Variants in RBFOX1 observed in about 807,000 individuals in gnomAD.
RBFOX1 encodes RNA binding protein fox-1 homolog 1.
A neutral mutation model predicts 57.7 loss-of-function variants in RBFOX1; 8 were observed. That is an observed-to-expected ratio of 0.14 (90% CI 0.08 to 0.25). The LOEUF is 0.25. Among genes scored for constraint, RBFOX1 ranks in the 10% least tolerant of loss-of-function variants. The pLI is 1.00. For synonymous variants in RBFOX1, 326 were observed against 222.4 expected, an observed-to-expected ratio of 1.47 and a Z score of -4.15; for missense variants, 611 against 548.5, an observed-to-expected ratio of 1.11 and a Z score of -1.14.
chr16:7,122,287 C>G (rs542667475), intron 4 of RBFOX1, among the ~76,000 whole-genome samples: 7 of 152,022 alleles, frequency 4.6e-5, no homozygotes, highest in African/African-American at 1.7e-4. Flanking sequence ...ATTTTGAACT[C>G]TCAAAACATA....
intron 4 of RBFOX1, among the ~76,000 whole-genome samples, chr16:7,497,962 G>C (rs971402077): frequency 9.9e-5 from 15 of 152,188 alleles, no homozygotes; most frequent in Admixed American, 5.9e-4. Context: ...ATTTCACACA[G>C]AGTAAAAACA....
At chr16:5,833,053 G>A (rs1445961609) in intron 3 of RBFOX1, among the ~76,000 whole-genome samples, 4 of 152,064 alleles carry the variant, frequency 2.6e-5, no homozygotes, top group South Asian at 2.1e-4. Flanking sequence ...TCAATTTCAG[G>A]GTGTCCACAG....
intron 3 of RBFOX1, among the ~76,000 whole-genome samples, chr16:6,897,285 C>T (rs1391841936): frequency 2.6e-5 from 4 of 152,210 alleles, no homozygotes; most frequent in Non-Finnish European, 5.9e-5. Flanking sequence ...AGCTTGTAAG[C>T]CCAGCTACTC....
intron 4 of RBFOX1, among the ~76,000 whole-genome samples, chr16:7,236,861 G>C (rs2093793671): frequency 6.6e-6 from 1 of 152,080 alleles, no homozygotes; most frequent in South Asian, 2.1e-4. Context: ...GAAGCACGCA[G>C]GATTTAGTTC....
intron 4 of RBFOX1, among the ~76,000 whole-genome samples, chr16:5,979,245 A>AT (rs559096355): frequency 1.2e-3 from 175 of 152,070 alleles, no homozygotes; most frequent in African/African-American, 4.0e-3. Context: ...GGAATGGAGG[A>AT]TTTTTTCTTG....
intron 1 of RBFOX1, among the ~76,000 whole-genome samples, chr16:5,241,148 T>G (rs1420644041): frequency 1.3e-5 from 2 of 152,214 alleles, no homozygotes; most frequent in African/African-American, 2.4e-5. Context: ...CGCCGTGGGC[T>G]GCCTCAGAGC....
intron 3 of RBFOX1, among the ~76,000 whole-genome samples, chr16:6,964,602 C>T (rs977593902): frequency 6.6e-6 from 1 of 152,076 alleles, no homozygotes; most frequent in African/African-American, 2.4e-5. Flanking sequence ...TTCTGTGAAC[C>T]TAATACTCCT....
At chr16:5,942,812 G>A (rs1162838233) in intron 4 of RBFOX1, among the ~76,000 whole-genome samples, 1 of 152,130 alleles carries the variant, frequency 6.6e-6, no homozygotes, top group East Asian at 1.9e-4. Context: ...AATACTTTTT[G>A]CAAAGGCACT....
chr16:6,165,292 TTAC>T (rs1193304787), intron 1 of RBFOX1, among the ~76,000 whole-genome samples: 3 of 152,208 alleles, frequency 2.0e-5, no homozygotes, highest in Admixed American at 2.0e-4. Context: ...GTTTTTATAT[TTAC>T]TTTTTTTTGG....
At chr16:5,681,096 T>C (rs1037437800) in intron 3 of RBFOX1, among the ~76,000 whole-genome samples, 2 of 151,964 alleles carry the variant, frequency 1.3e-5, no homozygotes, top group Non-Finnish European at 2.9e-5. Context: ...TATTTTGAGA[T>C]GGAGTCTCGC....
chr16:5,931,611 C>A (rs1385676679), intron 4 of RBFOX1, among the ~76,000 whole-genome samples: 11 of 152,164 alleles, frequency 7.2e-5, no homozygotes, highest in Non-Finnish European at 1.6e-4. Context: ...GACCTGAGAT[C>A]ATATGGTCCT....
intron 11 of RBFOX1, among the ~76,000 whole-genome samples, chr16:7,636,262 G>T (rs1018830758): frequency 6.6e-6 from 1 of 152,200 alleles, no homozygotes; most frequent in Admixed American, 6.5e-5. Flanking sequence ...GCCATGTTTT[G>T]CTCTATTTTG....
At chr16:7,607,535 G>T (rs1440528752) in intron 10 of RBFOX1, among the ~76,000 whole-genome samples, 197 bp downstream of exon 10, 2 of 152,164 alleles carry the variant, frequency 1.3e-5, no homozygotes, top group South Asian at 4.1e-4. Context: ...AAGTTTCATG[G>T]TTGGGGGATC....
chr16:6,999,228 T>TA (rs2092572959), intron 3 of RBFOX1, among the ~76,000 whole-genome samples: 1 of 134,556 alleles, frequency 7.4e-6, no homozygotes, highest in African/African-American at 2.6e-5. Flanking sequence ...TTTTTTTATT[T>TA]ATTTTTTTTT....
At chr16:5,991,283 C>T (rs1391124247) in intron 4 of RBFOX1, among the ~76,000 whole-genome samples, 1 of 152,114 alleles carries the variant, frequency 6.6e-6, no homozygotes, top group Non-Finnish European at 1.5e-5. Context: ...AAGTGGAAGC[C>T]CATGATTTTA....
chr16:6,709,609 C>T (rs1015182320), intron 3 of RBFOX1, among the ~76,000 whole-genome samples: 3 of 152,102 alleles, frequency 2.0e-5, no homozygotes, highest in African/African-American at 7.2e-5. Flanking sequence ...CATGAATCTC[C>T]CATAAGATTG....
intron 1 of RBFOX1, chr16:5,270,684 C>A: frequency 1.9e-6 from 1 of 530,520 alleles, no homozygotes; most frequent in South Asian, 1.7e-5. Flanking sequence ...TGTTGGAAAT[C>A]ATGACCTGAG....
At chr16:5,326,498 G>T (rs753407824) in intron 1 of RBFOX1, among the ~76,000 whole-genome samples, 1 of 152,176 alleles carries the variant, frequency 6.6e-6, no homozygotes, top group Non-Finnish European at 1.5e-5. Flanking sequence ...CTGAGCTCTG[G>T]CATTTCAGAT....
intron 3 of RBFOX1, among the ~76,000 whole-genome samples, chr16:6,818,083 T>C (rs537484672): frequency 6.6e-6 from 1 of 152,340 alleles, no homozygotes; most frequent in African/African-American, 2.4e-5. Flanking sequence ...TGTCATGATG[T>C]AATTGCATTA....
Sources: gnomAD v4.1 joint callset for allele counts (sites outside exome capture counted in the v4.1 genomes callset) on GRCh38, gnomAD v4.1.1 for gene constraint, MANE v1.5 for transcripts, NCBI Gene and HGNC (gene_info 2026-07-23, HGNC 2026-07-21) for gene names.